Variants in WDR59 observed in about 807,000 individuals in gnomAD.
WDR59 encodes the protein WD repeat domain 59, also known as GATOR2 complex protein WDR59.
Under a neutral mutation model 131.2 loss-of-function variants are expected in WDR59, and 100 were observed. The observed-to-expected ratio is 0.76, with a 90% confidence interval of 0.65 to 0.90. The LOEUF is 0.90. WDR59 is among the 40% of genes least tolerant of loss of function. The probability of loss-of-function intolerance (pLI) is 0.00; values close to 1 mark genes in which losing one functional copy is unlikely to be tolerated. For synonymous variants in WDR59, 601 were observed against 466.2 expected (o/e 1.29, Z -3.72); for missense variants, 1,203 against 1,262.2 (o/e 0.95, Z 0.71).
At chr16:74,966,858 C>G (rs1224387054) in intron 1 of WDR59, among the ~76,000 whole-genome samples, 1 of 152,138 alleles carries the variant, frequency 6.6e-6, no homozygotes, top group Admixed American at 6.6e-5. Context: ...CGTCTAACTC[C>G]CAAGAGACTG....
chr16:74,950,868 G>A (rs1415097789), intron 4 of WDR59, among the ~76,000 whole-genome samples: 1 of 151,758 alleles, frequency 6.6e-6, no homozygotes, highest in Non-Finnish European at 1.5e-5. Context: ...TTGAAAATCA[G>A]CTCTAGGCCA....
intron 17 of WDR59, among the ~76,000 whole-genome samples, chr16:74,904,836 C>A (rs1965721418): frequency 6.6e-6 from 1 of 152,114 alleles, no homozygotes; most frequent in Non-Finnish European, 1.5e-5. Flanking sequence ...AAAAGAGAGT[C>A]CAGAAAGACC....
chr16:74,976,862 C>G (rs1383489611), intron 1 of WDR59, among the ~76,000 whole-genome samples: 3 of 151,984 alleles, frequency 2.0e-5, no homozygotes, highest in Non-Finnish European at 4.4e-5. Context: ...CAAACATTAG[C>G]CCGGCCTGGT....
intron 2 of WDR59, among the ~76,000 whole-genome samples, chr16:74,964,469 T>C (rs2145191916): frequency 6.6e-6 from 1 of 151,984 alleles, no homozygotes; most frequent in East Asian, 1.9e-4. Context: ...AAAAAAATGA[T>C]ATAAATAATT....
At chr16:74,934,426 C>G (rs1408804163) in intron 8 of WDR59, among the ~76,000 whole-genome samples, 1 of 152,102 alleles carries the variant, frequency 6.6e-6, no homozygotes, top group Admixed American at 6.6e-5. Context: ...ATAATATCCT[C>G]ACTGTTCATA....
chr16:74,940,726 G>A (rs1046035287), intron 7 of WDR59, among the ~76,000 whole-genome samples: 1 of 152,000 alleles, frequency 6.6e-6, no homozygotes, highest in African/African-American at 2.4e-5. Flanking sequence ...TAATTTTTGA[G>A]ACGGAGTCTT....
At chr16:74,982,047 G>C (rs1203469151) in intron 1 of WDR59, among the ~76,000 whole-genome samples, 1 of 144,444 alleles carries the variant, frequency 6.9e-6, no homozygotes, top group African/African-American at 2.5e-5. Context: ...CTTGAACCTC[G>C]GAGTTCAAGA....
intron 1 of WDR59, among the ~76,000 whole-genome samples, chr16:74,979,838 CTTTTTTTTTTT>C (rs56943510): frequency 6.6e-5 from 4 of 60,472 alleles, no homozygotes; most frequent in African/African-American, 1.7e-4. Context: ...CACACCCGGC[CTTTTTTTTTTT>C]TTTTTTTTTT....
chr16:74,898,661 C>A (rs901385196), intron 18 of WDR59, among the ~76,000 whole-genome samples: 3 of 152,228 alleles, frequency 2.0e-5, no homozygotes, highest in Non-Finnish European at 2.9e-5. Context: ...TCAGAGGCAA[C>A]ATTGATGCCA....
chr16:74,966,862 G>T (rs931599195), intron 1 of WDR59, among the ~76,000 whole-genome samples: 2 of 152,308 alleles, frequency 1.3e-5, no homozygotes, highest in African/African-American at 4.8e-5. Context: ...TAACTCCCAA[G>T]AGACTGCAAT....
At chr16:74,906,072 TG>T (rs1965796766) in intron 17 of WDR59, among the ~76,000 whole-genome samples, 2 of 151,552 alleles carry the variant, frequency 1.3e-5, no homozygotes, top group South Asian at 4.2e-4. Flanking sequence ...CCCAGCACTT[TG>T]GGAGGCCGAG....
At chr16:74,888,361 G>A (rs976982662) in intron 21 of WDR59, 42 bp from the exon 22 acceptor site, 2 of 1,582,470 alleles carry the variant, frequency 1.3e-6, no homozygotes, top group African/African-American at 2.7e-5. Flanking sequence ...TCAGGAGGAG[G>A]GATTGAGGAG....
chr16:74,905,235 C>T (rs1006211352), intron 17 of WDR59, among the ~76,000 whole-genome samples: 2 of 151,976 alleles, frequency 1.3e-5, no homozygotes. Context: ...ATTAGCCAGG[C>T]GTGGTGGCGC....
intron 13 of WDR59, 112 bp from the exon 14 acceptor site, chr16:74,912,474 G>T: frequency 2.7e-6 from 3 of 1,131,464 alleles, no homozygotes; most frequent in Non-Finnish European, 1.2e-6. Flanking sequence ...AAGGGAAAGA[G>T]TCTACAAAGA....
At chr16:74,941,019 G>C (rs755219962) in intron 7 of WDR59, among the ~76,000 whole-genome samples, 1 of 151,552 alleles carries the variant, frequency 6.6e-6, no homozygotes, top group Non-Finnish European at 1.5e-5. Context: ...TGCTGTTATA[G>C]TGACAAACTG....
Position 74,921,979 on chromosome 16 carries a change from A to G in WDR59, c.854T>C (p.Val285Ala), listed in dbSNP as rs574710059. The stretch of plus-strand genomic sequence containing the variant: ...CTGCTTCCTCCACTGGAACTCCAGG[A>G]CCACATCATCATGCCCCACGAAGGT... Reference protein sequence around the residue: ...VHTFVGHDDVVLEFQWRKQKE... With the variant: ...VHTFVGHDDVALEFQWRKQKE... The change falls in exon 10 of 26, where the codon GTC (valine) becomes GCC (alanine). Residue 285 changes from valine to alanine, a missense_variant. Transcript: ENST00000262144. 2 of 1,614,148 alleles carry G rather than the reference A, an allele frequency of 1.2e-6. No homozygotes were observed. The highest frequency in any genetic ancestry group is 2.7e-5 in the African/African-American group (2 of 75,046).
intron 25 of WDR59, among the ~76,000 whole-genome samples, chr16:74,877,812 T>G (rs1964288381): frequency 6.6e-6 from 1 of 152,218 alleles, no homozygotes. Flanking sequence ...CCCAAAGTGC[T>G]AGGATTACAG....
intron 10 of WDR59, among the ~76,000 whole-genome samples, chr16:74,919,963 C>A (rs1053681709): frequency 6.6e-6 from 1 of 151,858 alleles, no homozygotes; most frequent in African/African-American, 2.4e-5. Context: ...GCCAGCTACT[C>A]AGGTGGCTGA....
At chr16:74,955,717 C>G (rs951938074) in intron 3 of WDR59, among the ~76,000 whole-genome samples, 2 of 152,096 alleles carry the variant, frequency 1.3e-5, no homozygotes, top group East Asian at 3.8e-4. Flanking sequence ...CTGACAAGAA[C>G]AGACTGAGAC....
Sources: allele counts gnomAD v4.1 joint callset (sites outside exome capture counted in the v4.1 genomes callset), GRCh38; gene constraint gnomAD v4.1.1; transcripts MANE v1.5; gene names NCBI Gene and HGNC (gene_info 2026-07-23, HGNC 2026-07-21).